Variants in LRP12 observed in about 807,000 individuals in gnomAD.
The protein encoded by LRP12 is low-density lipoprotein receptor-related protein 12.
LRP12 carries 14 observed loss-of-function variants against 66.0 expected under a neutral mutation model. The observed-to-expected ratio is 0.21, with a 90% CI of 0.14 to 0.33. The LOEUF (loss-of-function observed/expected upper bound fraction) is 0.33. Among genes scored for constraint, LRP12 ranks in the 10% least tolerant of loss-of-function variants. The pLI is 1.00. For synonymous variants in LRP12, 357 were observed against 359.1 expected (o/e 0.99, Z 0.07); for missense variants, 889 against 1,053.4 (o/e 0.84, Z 2.16).
intron 2 of LRP12, among the ~76,000 whole-genome samples, chr8:104,522,493 T>C (rs1811167232): frequency 1.3e-5 from 2 of 152,046 alleles, no homozygotes; most frequent in African/African-American, 4.8e-5. Context: ...AAGTAAATAT[T>C]CTCTCTCAGC....
At chr8:104,581,860 T>C (rs1812253633) in intron 1 of LRP12, among the ~76,000 whole-genome samples, 1 of 152,146 alleles carries the variant, frequency 6.6e-6, no homozygotes. Context: ...CCTCACACAA[T>C]GATTTTGAGA....
rs1462304429 is a variant in LRP12 at position 104,548,248 on chromosome 8, T to C, written c.80-16285A>G. ...GATATATTTATATTAATATACGATA[T>C]ATATTATATTAATATATGATATATA... On this transcript the variant is annotated intron_variant, in intron 1 of 6. Coordinates refer to ENST00000276654, the MANE Select transcript of LRP12 (RefSeq NM_013437.5). Among the ~76,000 whole-genome samples, 4 of 100,886 alleles carry C rather than the reference T, an allele frequency of 4.0e-5. No individual in the cohort carries two copies. The East Asian group carries it at 1.0e-3, about 26-fold the overall frequency. 66.2% of individuals were successfully genotyped at this position (100,886 alleles called of 152,430 possible). A position where few individuals can be genotyped will look rare whatever the true frequency, so the allele number is the denominator to read the frequency against.
intron 1 of LRP12, among the ~76,000 whole-genome samples, chr8:104,549,042 C>G: frequency 6.6e-6 from 1 of 152,116 alleles, no homozygotes; most frequent in Non-Finnish European, 1.5e-5. Context: ...ATCCTGGAGT[C>G]ATTCATTAGC....
Position 104,497,571 on chromosome 8 carries a change from C to G in LRP12, c.981G>C (p.Lys327Asn). 6.2e-7 allele frequency: 1 copy of G among 1,613,672 alleles called. No individual in the cohort carries two copies. ...CAAAAGCTGTCAACACACGCAAAAG[C>G]TTGTGTGGATTCTCCTCTAATCCAT... The part of the protein sequence containing the change: ...IYDGLEENPH[K>N]LLRVLTAFDS... The change falls in exon 5 of 7, where the codon AAG (lysine) becomes AAC (asparagine). Residue 327 changes from lysine to asparagine, a missense_variant. Coordinates refer to ENST00000276654, the MANE Select transcript of LRP12 (RefSeq NM_013437.5). The surrounding 1 kb of genome is among the most constrained non-coding windows in gnomAD (Gnocchi z 4.3).
intron 2 of LRP12, among the ~76,000 whole-genome samples, chr8:104,514,019 G>C (rs1236625976): frequency 2.0e-5 from 3 of 152,158 alleles, no homozygotes; most frequent in Non-Finnish European, 2.9e-5. Flanking sequence ...TGATGGAATA[G>C]GTACTGAAGT....
intron 2 of LRP12, among the ~76,000 whole-genome samples, chr8:104,509,536 A>G (rs963850999): frequency 7.2e-5 from 11 of 152,180 alleles, no homozygotes; most frequent in Admixed American, 2.0e-4. Flanking sequence ...CATCTCACTT[A>G]TCAGATCAAC....
At chr8:104,558,213 C>A (rs1408009552) in intron 1 of LRP12, among the ~76,000 whole-genome samples, 1 of 150,084 alleles carries the variant, frequency 6.7e-6, no homozygotes, top group Non-Finnish European at 1.5e-5. Flanking sequence ...TCATCAAAAA[C>A]AAACAAACAA....
chr8:104,567,186 C>T (rs556287071), intron 1 of LRP12, among the ~76,000 whole-genome samples: 2 of 152,260 alleles, frequency 1.3e-5, no homozygotes, highest in South Asian at 2.1e-4. Context: ...GTGTATTAGT[C>T]TGTTTTCATG....
chr8:104,548,672 T>TATAATTATTATATAATTAATAC (rs1811679239), intron 1 of LRP12, among the ~76,000 whole-genome samples: 2 of 146,042 alleles, frequency 1.4e-5, no homozygotes, highest in Admixed American at 1.4e-4. Flanking sequence ...ATAATTAATA[T>TATAATTATTATATAATTAATAC]GGGTGCAGTG....
At position 104,490,624 on chromosome 8, in the gene LRP12, A is replaced by C. The variant is rs376745110; in HGVS notation, c.*49T>G. 48 of 1,522,310 alleles carry C rather than the reference A, an allele frequency of 3.2e-5. No homozygotes were observed. The highest frequency in any genetic ancestry group is 1.9e-4 in the Middle Eastern group (1 of 5,246). The allele number at this position is 1,522,310 out of a possible 1,614,324, so 94.3% of individuals were successfully genotyped here. A position where few individuals can be genotyped will look rare whatever the true frequency, so the allele number is the denominator to read the frequency against. On this transcript the variant is annotated 3_prime_UTR_variant, in exon 7 of 7. Transcript: ENST00000276654. The stretch of plus-strand genomic sequence containing the variant: ...TTAACTGTAAAGTTACAAAATAATA[A>C]ATGGATATTGCTCCAACTTGTATAC...
At chr8:104,522,844 T>C (rs768108315) in intron 2 of LRP12, among the ~76,000 whole-genome samples, 4 of 151,652 alleles carry the variant, frequency 2.6e-5, no homozygotes, top group African/African-American at 4.8e-5. Context: ...GAAAAGAAAA[T>C]GTTACTTAAA....
At chr8:104,508,293 G>C (rs1810938661) in intron 3 of LRP12, 1 of 152,052 alleles carries the variant, frequency 6.6e-6, no homozygotes, top group Admixed American at 6.6e-5. Context: ...TTCTCTGCAA[G>C]TAATTTGCTA....
chr8:104,532,320 C>A (rs1354371223), intron 1 of LRP12, among the ~76,000 whole-genome samples: 2 of 150,088 alleles, frequency 1.3e-5, no homozygotes, highest in Non-Finnish European at 3.0e-5. Flanking sequence ...AAAGCGTGTC[C>A]AAATCAGCCA....
intron 1 of LRP12, among the ~76,000 whole-genome samples, chr8:104,585,099 TATA>T (rs1812309249): frequency 6.6e-6 from 1 of 152,244 alleles, no homozygotes; most frequent in South Asian, 2.1e-4. Context: ...AGTCAATCAG[TATA>T]TGCTGTGAAC....
At chr8:104,500,600 G>T (rs1166929998) in intron 3 of LRP12, among the ~76,000 whole-genome samples, 1 of 152,182 alleles carries the variant, frequency 6.6e-6, no homozygotes, top group African/African-American at 2.4e-5. Flanking sequence ...CTACTCGGGA[G>T]GCTGAGGCAG....
intron 1 of LRP12, among the ~76,000 whole-genome samples, chr8:104,561,926 T>C (rs1811914594): frequency 6.6e-6 from 1 of 152,184 alleles, no homozygotes; most frequent in Admixed American, 6.5e-5. Flanking sequence ...CCTTGGATCC[T>C]TTCAGTGAGG....
intron 5 of LRP12, chr8:104,495,890 A>G (rs533997907): frequency 1.3e-5 from 2 of 151,844 alleles, no homozygotes; most frequent in East Asian, 3.9e-4. Context: ...AGTGCACTCC[A>G]GCCCGGGTGA....
At chr8:104,542,772 TAGAGA>T (rs1197882116) in intron 1 of LRP12, among the ~76,000 whole-genome samples, 4 of 152,074 alleles carry the variant, frequency 2.6e-5, no homozygotes, top group Non-Finnish European at 5.9e-5. Flanking sequence ...TAAAGTTAGC[TAGAGA>T]AAAGAACATG....
intron 1 of LRP12, among the ~76,000 whole-genome samples, chr8:104,567,475 T>C (rs1475527837): frequency 6.6e-6 from 1 of 152,146 alleles, no homozygotes; most frequent in Non-Finnish European, 1.5e-5. Context: ...GAGGGAATTC[T>C]GGGAGATACA....
Sources: allele counts gnomAD v4.1 joint callset (sites outside exome capture counted in the v4.1 genomes callset), GRCh38; gene constraint gnomAD v4.1.1; non-coding constraint Gnocchi (gnomAD v3.1); transcripts MANE v1.5; gene names NCBI Gene and HGNC (gene_info 2026-07-23, HGNC 2026-07-21).